APBA2: variants seen among roughly 807,000 people sequenced by gnomAD.
APBA2 encodes amyloid-beta A4 precursor protein-binding family A member 2.
Under a neutral mutation model 75.0 loss-of-function variants are expected in APBA2, and 30 were observed. The ratio of observed to expected loss-of-function variants is 0.40; its 90% confidence interval spans 0.30 to 0.54. The LOEUF (loss-of-function observed/expected upper bound fraction) is 0.54. APBA2 is among the 20% of genes least tolerant of loss of function. The pLI is 0.49. For missense variants in APBA2, 801 were observed against 1,016.1 expected, an observed-to-expected ratio of 0.79 and a Z score of 2.88; for synonymous variants, 444 against 409.6, an observed-to-expected ratio of 1.08 and a Z score of -1.01.
chr15:29,063,575 G>A (rs79577019), intron 4 of APBA2, among the ~76,000 whole-genome samples: 1 of 114,204 alleles, frequency 8.8e-6, no homozygotes, highest in Admixed American at 8.4e-5. Flanking sequence ...GTATGGGTGG[G>A]GAGGGGAGTT....
chr15:28,970,238 A>G (rs1304233581), intron 2 of APBA2: 2 of 152,108 alleles, frequency 1.3e-5, no homozygotes, highest in Non-Finnish European at 2.9e-5. Flanking sequence ...GTTACAGATC[A>G]TGTTATTCTA....
intron 3 of APBA2, among the ~76,000 whole-genome samples, chr15:29,007,383 G>T (rs1190732162): frequency 6.6e-6 from 1 of 152,166 alleles, no homozygotes; most frequent in Non-Finnish European, 1.5e-5. Context: ...AGATAGGTAA[G>T]TTGGACTTCA....
intron 2 of APBA2, among the ~76,000 whole-genome samples, chr15:28,942,747 G>A (rs1321082993): frequency 6.6e-6 from 1 of 152,224 alleles, no homozygotes. Context: ...ACCCGAGTGA[G>A]CGTCTGTTGG....
intron 2 of APBA2, among the ~76,000 whole-genome samples, chr15:28,968,141 A>ACTCCACCG (rs2036843364): frequency 6.6e-6 from 1 of 152,166 alleles, no homozygotes; most frequent in Admixed American, 6.5e-5. Context: ...GCTGAATAAT[A>ACTCCACCG]CTCCACCGTA....
chr15:28,911,852 A>G (rs1332760658), intron 1 of APBA2, among the ~76,000 whole-genome samples: 2 of 152,196 alleles, frequency 1.3e-5, no homozygotes, highest in Non-Finnish European at 2.9e-5. Flanking sequence ...CTTCCTCGCT[A>G]TTACCATTCC....
chr15:29,043,751 T>C (rs574627654), intron 3 of APBA2, among the ~76,000 whole-genome samples: 109 of 152,360 alleles, frequency 7.2e-4, no homozygotes, highest in African/African-American at 2.5e-3. Context: ...TTTGTCCATT[T>C]CACTGCCGTT....
intron 4 of APBA2, among the ~76,000 whole-genome samples, chr15:29,063,161 G>C (rs2042213630): frequency 8.3e-6 from 1 of 120,720 alleles, no homozygotes; most frequent in East Asian, 2.8e-4. Flanking sequence ...TGTCTGTATG[G>C]GTGGTGCGGG....
chr15:29,044,118 A>G lies in APBA2; in HGVS notation c.-40-9727A>G, dbSNP rs117424237. Among the ~76,000 whole-genome samples, 11 of 152,348 alleles carry G rather than the reference A, an allele frequency of 7.2e-5. No homozygotes were observed. In the South Asian group the frequency reaches 1.9e-3, roughly 26 times the overall value. On this transcript the variant is annotated intron_variant, in intron 3 of 14. Transcript: ENST00000683413. Reference sequence around the variant, plus strand: ...TTGGCTGAGTCTGTTTCTCATTTGTATGATACGTTTTCACCCAGCCTGTAT... The same window carrying G: ...TTGGCTGAGTCTGTTTCTCATTTGTGTGATACGTTTTCACCCAGCCTGTAT...
chr15:29,074,876 T>G (rs1426213527), intron 4 of APBA2, 45 bp from the exon 5 acceptor site: 1 of 1,587,320 alleles, frequency 6.3e-7, no homozygotes, highest in Non-Finnish European at 8.6e-7. Flanking sequence ...CATCTTGCAT[T>G]TCTCTAACAT....
chr15:29,054,802 C>G lies in APBA2; in HGVS notation c.918C>G (p.Thr306=). The part of the protein sequence containing the change: ...PQRGFKPKTR[T]PEERLKWPHE... ...GAGGCTTCAAGCCCAAGACCAGGAC[C>G]CCAGAAGAGAGGCTGAAGTGGCCCC... Residue 306 remains threonine (T), a synonymous_variant, in exon 4 of 15, where the codon ACC becomes ACG. Coordinates refer to ENST00000683413, the MANE Select transcript of APBA2 (RefSeq NM_001353788.2). The surrounding 1 kb of genome is among the most constrained non-coding windows in gnomAD (Gnocchi z 6.1). The G allele has an allele frequency of 6.2e-7, 1 of 1,601,264 alleles. No individual in the cohort carries two copies. The highest frequency in any genetic ancestry group is 8.5e-7 in the Non-Finnish European group (1 of 1,179,916).
chr15:28,935,030 A>G (rs2034778912), intron 2 of APBA2, among the ~76,000 whole-genome samples: 1 of 152,184 alleles, frequency 6.6e-6, no homozygotes, highest in South Asian at 2.1e-4. Context: ...ATGCCCACAC[A>G]GTTCCTGGCA....
chr15:29,072,978 C>G (rs1398624144), intron 4 of APBA2, among the ~76,000 whole-genome samples: 1 of 152,206 alleles, frequency 6.6e-6, no homozygotes, highest in Non-Finnish European at 1.5e-5. Flanking sequence ...GGTGCCCGCT[C>G]CCCTGCATCC....
rs574739667 is a variant in APBA2, at chr15:28,932,245, G to A, written c.-95+10496G>A. On this transcript the variant is annotated intron_variant, in intron 2 of 14. Coordinates refer to ENST00000683413, the MANE Select transcript of APBA2 (RefSeq NM_001353788.2). ...CAGGGAGCAGGTTTTTCTGAACCCTGGAGAGCTGAGGGGGGCACCTGGAGC... is the reference window on the plus strand; with the variant it reads ...CAGGGAGCAGGTTTTTCTGAACCCTAGAGAGCTGAGGGGGGCACCTGGAGC... Among the ~76,000 whole-genome samples, 3 of 152,276 alleles carry A rather than the reference G, an allele frequency of 2.0e-5. No homozygotes were observed. The South Asian group carries it at 6.2e-4, about 32-fold the overall frequency.
chr15:28,930,951 C>T (rs929003357), intron 2 of APBA2, among the ~76,000 whole-genome samples: 1 of 152,222 alleles, frequency 6.6e-6, no homozygotes, highest in Non-Finnish European at 1.5e-5. Flanking sequence ...TCCTCTTCCC[C>T]TGTGAGGCAG....
chr15:29,002,840 G>A (rs2038918902), intron 3 of APBA2, among the ~76,000 whole-genome samples: 1 of 152,114 alleles, frequency 6.6e-6, no homozygotes, highest in Non-Finnish European at 1.5e-5. Flanking sequence ...GACGAAGAGT[G>A]CACCCTGGGG....
At chr15:28,895,006 C>G (rs1268770988) in intron 1 of APBA2, among the ~76,000 whole-genome samples, 3 of 152,166 alleles carry the variant, frequency 2.0e-5, no homozygotes, top group African/African-American at 4.8e-5. Flanking sequence ...CTGCTGCTGC[C>G]AAGTCCCAGC....
chr15:29,056,909 A>AT (rs761805607), intron 4 of APBA2, among the ~76,000 whole-genome samples: 1 of 151,990 alleles, frequency 6.6e-6, no homozygotes, highest in African/African-American at 2.4e-5. Flanking sequence ...TGAAAGCAAG[A>AT]TTTTTTATGA....
intron 3 of APBA2, among the ~76,000 whole-genome samples, chr15:29,010,345 G>T (rs933729181): frequency 9.9e-5 from 15 of 152,086 alleles, no homozygotes; most frequent in African/African-American, 3.6e-4. Flanking sequence ...TGTAAGCTTC[G>T]CCTCGTGGGT....
chr15:28,932,881 T>C (rs1275459476), intron 2 of APBA2, among the ~76,000 whole-genome samples: 1 of 152,188 alleles, frequency 6.6e-6, no homozygotes, highest in Admixed American at 6.5e-5. Context: ...TAATCTGTAT[T>C]CTGCTGCTGA....
Sources: allele counts gnomAD v4.1 joint callset (sites outside exome capture counted in the v4.1 genomes callset), GRCh38; gene constraint gnomAD v4.1.1; non-coding constraint Gnocchi (gnomAD v3.1); transcripts MANE v1.5; gene names NCBI Gene and HGNC (gene_info 2026-07-23, HGNC 2026-07-21).